TSPAN18: variants seen among roughly 807,000 people sequenced by gnomAD.
TSPAN18 encodes tetraspanin-18.
Under a neutral mutation model 27.3 loss-of-function variants are expected in TSPAN18, and 14 were observed. The observed-to-expected ratio is 0.51, with a 90% CI of 0.34 to 0.80. The LOEUF is 0.80. TSPAN18 is among the 30% of genes least tolerant of loss of function. The probability of loss-of-function intolerance (pLI) is 0.01; values close to 1 mark genes in which losing one functional copy is unlikely to be tolerated. For missense variants in TSPAN18, 268 were observed against 323.9 expected, an observed-to-expected ratio of 0.83 and a Z score of 1.32; for synonymous variants, 143 against 136.5, an observed-to-expected ratio of 1.05 and a Z score of -0.33.
intron 3 of TSPAN18, among the ~76,000 whole-genome samples, chr11:44,888,901 A>T (rs889628696): frequency 6.6e-6 from 1 of 152,192 alleles, no homozygotes; most frequent in African/African-American, 2.4e-5. Flanking sequence ...TGTAATCCCC[A>T]TGTGTCGAGG....
At chr11:44,867,884 G>C (rs1313402347) in intron 3 of TSPAN18, among the ~76,000 whole-genome samples, 1 of 152,210 alleles carries the variant, frequency 6.6e-6, no homozygotes, top group African/African-American at 2.4e-5. Context: ...AGGGATATGA[G>C]ATAGGCTGCT....
intron 2 of TSPAN18, among the ~76,000 whole-genome samples, chr11:44,770,186 A>G (rs748448956): frequency 4.6e-5 from 7 of 152,238 alleles, no homozygotes; most frequent in Non-Finnish European, 8.8e-5. Context: ...CTTCTGGTTG[A>G]GGGAAACAGA....
chr11:44,875,658 C>G (rs1001020979), intron 3 of TSPAN18, among the ~76,000 whole-genome samples: 1 of 152,210 alleles, frequency 6.6e-6, no homozygotes, highest in Non-Finnish European at 1.5e-5. Context: ...CTTATTGTCC[C>G]CACATTGATC....
rs1242442089 is a variant in TSPAN18 at position 44,810,159 on chromosome 11, A to T, written c.-153+45647A>T. Among the ~76,000 whole-genome samples, 4 of 152,186 alleles carry T rather than the reference A, an allele frequency of 2.6e-5. No individual in the cohort carries two copies. In the East Asian group the frequency reaches 7.7e-4, roughly 29 times the overall value. On this transcript the variant is annotated intron_variant, in intron 2 of 9. Coordinates refer to ENST00000520358, the MANE Select transcript of TSPAN18 (RefSeq NM_130783.5). ...TTTATTGAGGTGAAATGCACATAAC[A>T]TACAATTAGGCATTTTAAAGTGTGC... is the stretch of plus-strand genomic sequence containing the variant.
intron 1 of TSPAN18, among the ~76,000 whole-genome samples, chr11:44,748,658 A>G (rs527883916): frequency 1.6e-4 from 25 of 152,184 alleles, no homozygotes; most frequent in Non-Finnish European, 7.3e-5. Context: ...TTTACTCTTC[A>G]CTTTAGAGAA....
At chr11:44,921,378 C>G (rs1860128339) in intron 8 of TSPAN18, among the ~76,000 whole-genome samples, 1 of 152,152 alleles carries the variant, frequency 6.6e-6, no homozygotes, top group Non-Finnish European at 1.5e-5. Context: ...TGGCTGCCCC[C>G]CACGATCCAT....
chr11:44,897,587 C>T (rs758463729), intron 3 of TSPAN18, among the ~76,000 whole-genome samples: 11 of 152,190 alleles, frequency 7.2e-5, no homozygotes, highest in Non-Finnish European at 1.2e-4. Context: ...CTGGAGTGGC[C>T]TCAGGTGCTG....
chr11:44,795,959 C>T (rs147771059), intron 2 of TSPAN18, among the ~76,000 whole-genome samples: 1 of 152,228 alleles, frequency 6.6e-6, no homozygotes, highest in East Asian at 1.9e-4. Context: ...ACTACCTGTC[C>T]CAAACCTCAG....
chr11:44,780,518 G>A (rs1199524821), intron 2 of TSPAN18, among the ~76,000 whole-genome samples: 2 of 152,232 alleles, frequency 1.3e-5, no homozygotes, highest in Admixed American at 6.5e-5. Flanking sequence ...CAGCGATCCA[G>A]ACAAAAATAT....
chr11:44,742,977 A>T (rs1033270889), intron 1 of TSPAN18, among the ~76,000 whole-genome samples: 2 of 152,126 alleles, frequency 1.3e-5, no homozygotes, highest in African/African-American at 4.8e-5. Flanking sequence ...ATACTCCTGG[A>T]TGCTGCCTGA....
chr11:44,834,190 TG>T (rs1328620898), intron 2 of TSPAN18, among the ~76,000 whole-genome samples: 1 of 151,014 alleles, frequency 6.6e-6, no homozygotes. Flanking sequence ...GGAGGCGAGG[TG>T]GGGGGCTTGG....
chr11:44,877,139 CA>C (rs1244506524), intron 3 of TSPAN18, among the ~76,000 whole-genome samples: 1 of 152,238 alleles, frequency 6.6e-6, no homozygotes, highest in African/African-American at 2.4e-5. Context: ...TGTCAGCTGA[CA>C]AAAGTGGCCA....
At chr11:44,849,499 T>C (rs1011072914) in intron 2 of TSPAN18, among the ~76,000 whole-genome samples, 2 of 152,190 alleles carry the variant, frequency 1.3e-5, no homozygotes, top group Non-Finnish European at 2.9e-5. Context: ...TGGACTGTTA[T>C]AGCCCCATGT....
chr11:44,909,325 C>T (rs1223079865), intron 4 of TSPAN18, among the ~76,000 whole-genome samples: 2 of 152,148 alleles, frequency 1.3e-5, no homozygotes, highest in Non-Finnish European at 2.9e-5. Context: ...GCTGTGTGAC[C>T]TTCAGCAAGT....
At chr11:44,806,226 G>T (rs371643835) in intron 2 of TSPAN18, among the ~76,000 whole-genome samples, 1 of 151,968 alleles carries the variant, frequency 6.6e-6, no homozygotes, top group Non-Finnish European at 1.5e-5. Flanking sequence ...GTAGAGACAG[G>T]GTTTTGCCAT....
rs1310956950 is a variant in TSPAN18, at chr11:44,796,335, T to C, written c.-153+31823T>C. 5.3e-5 allele frequency among the ~76,000 whole-genome samples: 8 copies of C among 152,282 alleles called. No homozygotes were observed. In the East Asian group the frequency reaches 1.5e-3, roughly 29 times the overall value. ...ATTGGTTTTCAGTTTTTACGATGTT[T>C]TTGCTGATTCATGGGAAATGGATGG... On this transcript the variant is annotated intron_variant, in intron 2 of 9. Coordinates refer to ENST00000520358, the MANE Select transcript of TSPAN18 (RefSeq NM_130783.5).
chr11:44,918,024 T>C lies in TSPAN18; in HGVS notation c.311T>C (p.Leu104Pro). ...IFLAELSAAI[L>P]AFIFRENLTR... The stretch of plus-strand genomic sequence containing the variant: ...CTGGCAGAGCTCTCAGCAGCCATCC[T>C]GGCCTTCATCTTCAGGGAAAATGTA... Residue 104 changes from leucine (L) to proline (P), a missense_variant, in exon 6 of 10, where the codon CTG becomes CCG. Coordinates refer to ENST00000520358, the MANE Select transcript of TSPAN18 (RefSeq NM_130783.5). 2 of 1,614,166 alleles carry C rather than the reference T, an allele frequency of 1.2e-6. No homozygotes were observed. Among genetic ancestry groups the C allele is most frequent in the South Asian group, 1.1e-5 (1 of 91,088 alleles).
At chr11:44,909,396 T>C in intron 4 of TSPAN18, 1 of 312,716 alleles carries the variant, frequency 3.2e-6, no homozygotes, top group African/African-American at 2.1e-5. Flanking sequence ...ATCCTACAGG[T>C]CTGACATTTC....
intron 1 of TSPAN18, among the ~76,000 whole-genome samples, chr11:44,762,519 T>C (rs1224018312): frequency 6.6e-6 from 1 of 152,210 alleles, no homozygotes; most frequent in Non-Finnish European, 1.5e-5. Context: ...TTAAACAGGA[T>C]GGCTGGTAAG....
Sources: gnomAD v4.1 joint callset for allele counts (sites outside exome capture counted in the v4.1 genomes callset) on GRCh38, gnomAD v4.1.1 for gene constraint, MANE v1.5 for transcripts, NCBI Gene and HGNC (gene_info 2026-07-23, HGNC 2026-07-21) for gene names.